Variants in MAN2A1 observed in about 807,000 individuals in gnomAD.
The protein encoded by MAN2A1 is mannosidase alpha class 2A member 1, also known as alpha-mannosidase 2.
A neutral mutation model predicts 142.6 loss-of-function variants in MAN2A1; 76 were observed. The observed-to-expected ratio is 0.53, with a 90% CI of 0.44 to 0.65. MAN2A1 has a LOEUF of 0.65. MAN2A1 is among the 30% of genes least tolerant of loss of function. The pLI is 0.00. For missense variants in MAN2A1, 1,311 were observed against 1,365.1 expected, an observed-to-expected ratio of 0.96 and a Z score of 0.62; for synonymous variants, 559 against 473.2, an observed-to-expected ratio of 1.18 and a Z score of -2.35.
chr5:109,769,925 G>A lies in MAN2A1; in HGVS notation c.1010-430G>A, dbSNP rs1041676557. On this transcript the variant is annotated intron_variant, in intron 6 of 21. Transcript: ENST00000261483. ...TGTTCTTCCATCCCTTTTTTACTCC[G>A]TTCTTCTCACCCAGCCTCTGCAGCT... Among the ~76,000 whole-genome samples the A allele has an allele frequency of 5.3e-5, 8 of 151,886 alleles. No homozygotes were observed. The South Asian group carries it at 8.3e-4, about 16-fold the overall frequency.
At chr5:109,789,311 C>G (rs1459900191) in intron 11 of MAN2A1, 149 bp from the exon 12 acceptor site, 5 of 545,238 alleles carry the variant, frequency 9.2e-6, no homozygotes, top group Non-Finnish European at 1.6e-5. Context: ...AGTTGTTTTG[C>G]TTGGCTTTAA....
intron 6 of MAN2A1, among the ~76,000 whole-genome samples, chr5:109,769,969 A>G (rs1019398097): frequency 6.6e-6 from 1 of 152,112 alleles, no homozygotes; most frequent in Non-Finnish European, 1.5e-5. Context: ...GGTATCTCTC[A>G]GTGAATTCTG....
intron 16 of MAN2A1, among the ~76,000 whole-genome samples, chr5:109,832,905 C>A (rs1363498435): frequency 1.3e-5 from 2 of 151,782 alleles, no homozygotes; most frequent in Non-Finnish European, 2.9e-5. Flanking sequence ...GGGCTCCTCA[C>A]TTCTCAGATG....
chr5:109,754,048 A>G (rs537214004), intron 4 of MAN2A1, among the ~76,000 whole-genome samples: 5 of 151,968 alleles, frequency 3.3e-5, no homozygotes, highest in South Asian at 2.1e-4. Flanking sequence ...AGCTGGGACT[A>G]CAGGCATGCA....
intron 4 of MAN2A1, among the ~76,000 whole-genome samples, chr5:109,737,404 G>A (rs1752135408): frequency 6.6e-6 from 1 of 151,244 alleles, no homozygotes; most frequent in Non-Finnish European, 1.5e-5. Context: ...ATGAGCCACT[G>A]TCCCTGGCCT....
intron 16 of MAN2A1, among the ~76,000 whole-genome samples, chr5:109,828,054 G>A (rs777373781): frequency 8.8e-5 from 13 of 146,978 alleles, no homozygotes; most frequent in Non-Finnish European, 1.3e-4. Context: ...GCAATGAGCC[G>A]AAATAGCGCC....
intron 4 of MAN2A1, among the ~76,000 whole-genome samples, chr5:109,734,410 T>C (rs1305654462): frequency 6.6e-6 from 1 of 152,118 alleles, no homozygotes; most frequent in East Asian, 1.9e-4. Flanking sequence ...TGCCTTCTGC[T>C]AGCTTTTGAA....
intron 1 of MAN2A1, among the ~76,000 whole-genome samples, chr5:109,695,469 G>A (rs761882887): frequency 1.7e-4 from 26 of 152,134 alleles, no homozygotes; most frequent in Non-Finnish European, 3.2e-4. Context: ...CTTTTTTGAA[G>A]GACTGAAGTG....
At chr5:109,833,460 G>A (rs1379933295) in intron 16 of MAN2A1, among the ~76,000 whole-genome samples, 1 of 152,140 alleles carries the variant, frequency 6.6e-6, no homozygotes, top group Non-Finnish European at 1.5e-5. Context: ...TCGTGGTTAG[G>A]AGCTGGAGAC....
intron 8 of MAN2A1, among the ~76,000 whole-genome samples, chr5:109,780,994 G>A (rs1320110122): frequency 6.6e-6 from 1 of 152,142 alleles, no homozygotes; most frequent in African/African-American, 2.4e-5. Context: ...TAATAAAACT[G>A]TTATTGTAGA....
intron 7 of MAN2A1, 99 bp from the exon 8 acceptor site, chr5:109,774,689 C>G: frequency 1.2e-6 from 1 of 826,992 alleles, no homozygotes; most frequent in African/African-American, 1.8e-5. Flanking sequence ...ATAAAATGTA[C>G]TTTTGAATTT....
At chr5:109,781,297 A>G in intron 8 of MAN2A1, 99 bp from the exon 9 acceptor site, 2 of 650,792 alleles carry the variant, frequency 3.1e-6, no homozygotes, top group South Asian at 2.7e-5. Flanking sequence ...TAACTTGGAA[A>G]CACATGTTAA....
In MAN2A1 at chr5:109,868,754, A is replaced by G. The variant is rs754521863; in HGVS notation, c.*1756A>G. On this transcript the variant is annotated 3_prime_UTR_variant, in exon 22 of 22. Transcript: ENST00000261483. ...CTTCCACATATTTTGGGAAAAAACT[A>G]AAAAAAGAAAAAGGACTTCCTTTTT... 1 of 152,190 alleles carries G rather than the reference A, an allele frequency of 6.6e-6. No individual in the cohort carries two copies. The highest frequency in any genetic ancestry group is 1.5e-5 in the Non-Finnish European group (1 of 68,022). 9.4% of individuals were successfully genotyped at this position (152,190 alleles called of 1,614,324 possible). A position where few individuals can be genotyped will look rare whatever the true frequency, so the allele number is the denominator to read the frequency against.
rs377494819 is a variant in MAN2A1 at position 109,786,842 on chromosome 5, A to C, written c.1760+1916A>C. On this transcript the variant is annotated intron_variant, in intron 10 of 21. Coordinates refer to ENST00000261483, the MANE Select transcript of MAN2A1 (RefSeq NM_002372.4). The stretch of plus-strand genomic sequence containing the variant: ...TGCGAGTAATAGCAACCAGAAACAG[A>C]ATAAATCCTGTCCTGCTTATTTTTA... Among the ~76,000 whole-genome samples, 28 of 152,152 alleles carry C rather than the reference A, an allele frequency of 1.8e-4. No homozygotes were observed. In the South Asian group the frequency reaches 2.1e-3, roughly 11 times the overall value.
In MAN2A1 at chr5:109,758,118, G is replaced by A. The variant is rs1184832136; in HGVS notation, c.835+2662G>A. 2.6e-5 allele frequency among the ~76,000 whole-genome samples: 4 copies of A among 152,208 alleles called. No homozygotes were observed. The East Asian group carries it at 7.7e-4, about 29-fold the overall frequency. On this transcript the variant is annotated intron_variant, in intron 5 of 21. Transcript: ENST00000261483. ...ACTGTCAAACTTTTCCAAAAGAGCG[G>A]TATCGTTCTACCTTCCCACCAGCAA... is the stretch of plus-strand genomic sequence containing the variant.
intron 17 of MAN2A1, among the ~76,000 whole-genome samples, chr5:109,844,056 C>T (rs6894052): frequency 0.37 from 56,884 of 151,970 alleles, 11,379 homozygotes; most frequent in African/African-American, 0.52. Context: ...TCGACTACAG[C>T]CATTTGGATT....
chr5:109,741,221 A>C (rs1044742227), intron 4 of MAN2A1, among the ~76,000 whole-genome samples: 3 of 152,190 alleles, frequency 2.0e-5, no homozygotes, highest in Non-Finnish European at 4.4e-5. Flanking sequence ...AGATTAGTGC[A>C]GATGAATTCT....
intron 16 of MAN2A1, chr5:109,840,454 G>T: frequency 2.1e-6 from 1 of 466,234 alleles, no homozygotes; most frequent in South Asian, 1.7e-5. Flanking sequence ...CATCTTTGCT[G>T]CAACCACTGA....
At position 109,713,722 on chromosome 5, in the gene MAN2A1, C is replaced by A. The variant is rs142576501; in HGVS notation, c.338C>A (p.Thr113Asn). ...TCACAATTATCCCTCTCAGTTGACA[C>A]TGCAGACTGTCTGTTTGCTTCACAA... ...LPSQLSLSVD[T>N]ADCLFASQSG... Residue 113 changes from threonine to asparagine, a missense_variant, in exon 2 of 22, where the codon ACT becomes AAT. Physicochemically the swap from Thr to Asn is moderately conservative, Grantham distance 65. Around this residue, in one of 3 missense-constraint regions of MAN2A1, gnomAD observed 409 missense variants for 412.7 expected, o/e 0.99. Transcript: ENST00000261483. 4.5e-5 allele frequency: 73 copies of A among 1,614,102 alleles called. 1 individual carries two copies. In the East Asian group the frequency reaches 1.6e-3, roughly 36 times the overall value.
Sources: gnomAD v4.1 joint callset for allele counts (sites outside exome capture counted in the v4.1 genomes callset) on GRCh38, gnomAD v4.1.1 for gene constraint, gnomAD v4.1.1 regional missense constraint, MANE v1.5 for transcripts, NCBI Gene and HGNC (gene_info 2026-07-23, HGNC 2026-07-21) for gene names.